Variants in GABRB2 observed in about 807,000 individuals in gnomAD.
GABRB2 encodes gamma-aminobutyric acid receptor subunit beta-2.
Under a neutral mutation model 54.7 loss-of-function variants are expected in GABRB2, and 16 were observed. That is an observed-to-expected ratio of 0.29 (90% CI 0.20 to 0.44). The LOEUF is 0.44. Among genes scored for constraint, GABRB2 ranks in the 20% least tolerant of loss-of-function variants. GABRB2 has a pLI of 1.00. For synonymous variants in GABRB2, 244 were observed against 233.8 expected, an observed-to-expected ratio of 1.04 and a Z score of -0.40; for missense variants, 355 against 644.0, an observed-to-expected ratio of 0.55 and a Z score of 4.86.
At chr5:161,509,395 G>A (rs938997221) in intron 3 of GABRB2, among the ~76,000 whole-genome samples, 1 of 151,740 alleles carries the variant, frequency 6.6e-6, no homozygotes, top group Non-Finnish European at 1.5e-5. Flanking sequence ...CCCACATTGG[G>A]AGCATGCAGT....
At chr5:161,384,809 A>G (rs1481654320) in intron 5 of GABRB2, among the ~76,000 whole-genome samples, 1 of 152,154 alleles carries the variant, frequency 6.6e-6, no homozygotes, top group Admixed American at 6.5e-5. Context: ...CTTTCCTTAT[A>G]TAGGTATATG....
intron 9 of GABRB2, among the ~76,000 whole-genome samples, chr5:161,312,329 C>G (rs1432234059): frequency 1.3e-5 from 2 of 152,124 alleles, no homozygotes; most frequent in Admixed American, 1.3e-4. Context: ...ACCAAATTAC[C>G]CTTAGCTCTG....
At chr5:161,512,796 T>G (rs146482251) in intron 3 of GABRB2, among the ~76,000 whole-genome samples, 1 of 151,496 alleles carries the variant, frequency 6.6e-6, no homozygotes, top group Non-Finnish European at 1.5e-5. Context: ...TGGGAGAAAA[T>G]ATTAGCAGAG....
intron 5 of GABRB2, among the ~76,000 whole-genome samples, chr5:161,360,482 TTCTC>T (rs1000084371): frequency 6.6e-6 from 1 of 152,000 alleles, no homozygotes; most frequent in East Asian, 1.9e-4. Flanking sequence ...TGTTCTCTTT[TTCTC>T]TCTCTCTCTT....
chr5:161,371,282 T>A (rs1755124786), intron 5 of GABRB2, among the ~76,000 whole-genome samples: 1 of 152,202 alleles, frequency 6.6e-6, no homozygotes, highest in Non-Finnish European at 1.5e-5. Flanking sequence ...AATGACTAAT[T>A]GTTTAAATAT....
At chr5:161,328,127 G>C (rs1472607831) in intron 8 of GABRB2, among the ~76,000 whole-genome samples, 5 of 152,096 alleles carry the variant, frequency 3.3e-5, no homozygotes, top group Non-Finnish European at 7.4e-5. Flanking sequence ...ATTTGCTATA[G>C]ATTTTATAGC....
intron 5 of GABRB2, among the ~76,000 whole-genome samples, chr5:161,356,350 A>G (rs1218153049): frequency 6.6e-6 from 1 of 152,170 alleles, no homozygotes; most frequent in Non-Finnish European, 1.5e-5. Context: ...TTCTAGAAAT[A>G]CGGCACATTA....
chr5:161,519,481 C>T (rs1387514922), intron 3 of GABRB2, among the ~76,000 whole-genome samples: 1 of 152,176 alleles, frequency 6.6e-6, no homozygotes, highest in African/African-American at 2.4e-5. Flanking sequence ...AAGGTGGCCA[C>T]ATGATCTTCC....
intron 3 of GABRB2, among the ~76,000 whole-genome samples, chr5:161,537,652 G>A (rs915381527): frequency 7.2e-5 from 11 of 152,050 alleles, no homozygotes; most frequent in Admixed American, 6.5e-5. Context: ...ATCTTCCAAC[G>A]TTAAATTTTG....
At chr5:161,488,233 T>G (rs935780039) in intron 3 of GABRB2, among the ~76,000 whole-genome samples, 7 of 151,436 alleles carry the variant, frequency 4.6e-5, no homozygotes, top group South Asian at 4.2e-4. Flanking sequence ...TTTTAGTTTT[T>G]TTTTTTTTTT....
chr5:161,545,147 C>A (rs555702502), intron 3 of GABRB2, 80 bp downstream of exon 3: 1 of 1,067,024 alleles, frequency 9.4e-7, no homozygotes, highest in Admixed American at 2.2e-5. Flanking sequence ...CACACCCCCA[C>A]CCCCAATAGC....
chr5:161,341,389 A>G (rs1754152034), intron 5 of GABRB2, among the ~76,000 whole-genome samples: 1 of 151,996 alleles, frequency 6.6e-6, no homozygotes, highest in Admixed American at 6.6e-5. Context: ...CATCATTTAT[A>G]TTTTATTCAT....
intron 4 of GABRB2, among the ~76,000 whole-genome samples, chr5:161,453,358 A>T (rs1757848425): frequency 6.6e-6 from 1 of 152,208 alleles, no homozygotes; most frequent in African/African-American, 2.4e-5. Flanking sequence ...GTGTCCCACA[A>T]ATTCATGAGT....
At chr5:161,389,244 T>G (rs1301563866) in intron 5 of GABRB2, among the ~76,000 whole-genome samples, 1 of 152,046 alleles carries the variant, frequency 6.6e-6, no homozygotes. Context: ...TTTTAACAGT[T>G]TGTAATCATC....
chr5:161,336,783 C>G lies in GABRB2; in HGVS notation c.542-14G>C, dbSNP rs1196668078. On this transcript the variant is annotated splice_polypyrimidine_tract_variant and intron_variant, in intron 5 of 9. Transcript: ENST00000393959. Reference sequence around the variant, plus strand: ...TTGTGTATCCATCTGTGAAAGGAAACATACACACACACACACACAAATACA... The same window carrying G: ...TTGTGTATCCATCTGTGAAAGGAAAGATACACACACACACACACAAATACA... 1 of 1,545,898 alleles carries G rather than the reference C, an allele frequency of 6.5e-7. No individual in the cohort carries two copies. Among genetic ancestry groups the G allele is most frequent in the South Asian group, 1.2e-5 (1 of 85,082 alleles).
intron 5 of GABRB2, among the ~76,000 whole-genome samples, chr5:161,398,688 GT>G (rs1756081952): frequency 6.6e-6 from 1 of 151,040 alleles, no homozygotes; most frequent in African/African-American, 2.4e-5. Context: ...TGTTGTTGTT[GT>G]TTTTGTTTTG....
chr5:161,299,949 A>C (rs540342006), intron 9 of GABRB2, among the ~76,000 whole-genome samples: 23 of 152,334 alleles, frequency 1.5e-4, no homozygotes, highest in African/African-American at 5.5e-4. Flanking sequence ...TATGCAGAAC[A>C]GTGTTGGGTT....
chr5:161,377,142 AGTTTTG>A (rs1755330340), intron 5 of GABRB2, among the ~76,000 whole-genome samples: 1 of 152,144 alleles, frequency 6.6e-6, no homozygotes, highest in Admixed American at 6.6e-5. Flanking sequence ...GCTTTAAATA[AGTTTTG>A]GTAAATGATC....
chr5:161,368,880 G>C (rs2113464355), intron 5 of GABRB2, among the ~76,000 whole-genome samples: 1 of 152,308 alleles, frequency 6.6e-6, no homozygotes, highest in African/African-American at 2.4e-5. Flanking sequence ...TTGACAGACT[G>C]CTGGTTACTC....
Sources: allele counts gnomAD v4.1 joint callset (sites outside exome capture counted in the v4.1 genomes callset), GRCh38; gene constraint gnomAD v4.1.1; transcripts MANE v1.5; gene names NCBI Gene and HGNC (gene_info 2026-07-23, HGNC 2026-07-21).